The following L3MBTL1 variants were observed in gnomAD, a reference collection of about 807,000 sequenced individuals.
The protein encoded by L3MBTL1 is lethal(3)malignant brain tumor-like protein 1.
A neutral mutation model predicts 105.3 loss-of-function variants in L3MBTL1; 75 were observed. That is an observed-to-expected ratio of 0.71 (90% CI 0.59 to 0.86). The LOEUF (loss-of-function observed/expected upper bound fraction) is 0.86, where lower values mean the gene tolerates loss of function less well. Ranked by LOEUF, L3MBTL1 falls within the 40% of genes least tolerant of loss-of-function variation. The probability of loss-of-function intolerance (pLI) is 0.00; values close to 1 mark genes in which losing one functional copy is unlikely to be tolerated. For synonymous variants in L3MBTL1, 452 were observed against 436.2 expected, an observed-to-expected ratio of 1.04 and a Z score of -0.45; for missense variants, 1,069 against 1,126.4, an observed-to-expected ratio of 0.95 and a Z score of 0.73.
intron 9 of L3MBTL1, 140 bp from the exon 10 acceptor site, chr20:43,530,144 G>T: frequency 1.0e-6 from 1 of 971,494 alleles, no homozygotes; most frequent in Non-Finnish European, 1.6e-6. Flanking sequence ...GGGTACAATT[G>T]GGAGGAAAGA....
At chr20:43,510,668 C>T (rs1415583441) in intron 1 of L3MBTL1, among the ~76,000 whole-genome samples, 3 of 151,046 alleles carry the variant, frequency 2.0e-5, no homozygotes, top group Admixed American at 6.6e-5. Flanking sequence ...CTACCCACCT[C>T]GGCTTCCCAA....
Position 43,530,436 on chromosome 20 carries a change from T to C in L3MBTL1, c.1192+17T>C, listed in dbSNP as rs370834865. On this transcript the variant is annotated intron_variant, in intron 10 of 21. Coordinates refer to ENST00000418998, the MANE Select transcript of L3MBTL1 (RefSeq NM_001377303.1). Reference sequence around the variant, plus strand: ...CTCCCAAAGGTAAGGCCTAGCTGGGTTGGTCACAGTGAGGCAGTGAGTCCT... The same window carrying C: ...CTCCCAAAGGTAAGGCCTAGCTGGGCTGGTCACAGTGAGGCAGTGAGTCCT... 2 of 1,612,496 alleles carry C rather than the reference T, an allele frequency of 1.2e-6. No homozygotes were observed. Among genetic ancestry groups the C allele is most frequent in the African/African-American group, 1.3e-5 (1 of 74,940 alleles).
At chr20:43,521,529 A>G (rs2018703766) in intron 7 of L3MBTL1, among the ~76,000 whole-genome samples, 1 of 152,200 alleles carries the variant, frequency 6.6e-6, no homozygotes, top group Admixed American at 6.5e-5. Context: ...AAATGCCAAG[A>G]TGGAATGGGT....
chr20:43,511,546 C>A (rs985362409), intron 1 of L3MBTL1, among the ~76,000 whole-genome samples: 5 of 152,046 alleles, frequency 3.3e-5, no homozygotes, highest in African/African-American at 1.2e-4. Flanking sequence ...CTTTGGGAGG[C>A]CGAGGTGGGC....
At position 43,509,863 on chromosome 20, in the gene L3MBTL1, A is replaced by G. The variant is rs139206720; in HGVS notation, c.-29+2119A>G. Reference sequence around the variant, plus strand: ...TGTTTCAAATAAAAAGATTAACTCTATTTATTTATTTATTTATTGAGACAG... The same window carrying G: ...TGTTTCAAATAAAAAGATTAACTCTGTTTATTTATTTATTTATTGAGACAG... On this transcript the variant is annotated intron_variant, in intron 1 of 21. Transcript: ENST00000418998. 8.9e-4 allele frequency among the ~76,000 whole-genome samples: 136 copies of G among 152,038 alleles called. 3 individuals carry two copies. The East Asian group carries it at 0.023, about 26-fold the overall frequency.
intron 7 of L3MBTL1, among the ~76,000 whole-genome samples, chr20:43,522,483 T>TTG: frequency 7.4e-6 from 1 of 134,768 alleles, no homozygotes; most frequent in Non-Finnish European, 1.6e-5. Flanking sequence ...TTTTTTTTTT[T>TTG]TTTTTGGAGA....
chr20:43,519,796 T>C (rs2018611229), intron 7 of L3MBTL1, among the ~76,000 whole-genome samples: 1 of 152,172 alleles, frequency 6.6e-6, no homozygotes, highest in African/African-American at 2.4e-5. Flanking sequence ...ACCCTGCTCT[T>C]GGTTTTTTGT....
In L3MBTL1 at chr20:43,541,132, G is replaced by A. The variant is rs1366375738; in HGVS notation, c.*4G>A. ...TGCCAGTGATAGTCAATATTAAAGT[G>A]TACTTTTTTCCCCTTTAATCCAATA... On this transcript the variant is annotated 3_prime_UTR_variant, in exon 22 of 22. Coordinates refer to ENST00000418998, the MANE Select transcript of L3MBTL1 (RefSeq NM_001377303.1). 6.2e-7 allele frequency: 1 copy of A among 1,610,758 alleles called. No individual in the cohort carries two copies. Among genetic ancestry groups the A allele is most frequent in the Admixed American group, 1.7e-5 (1 of 59,888 alleles).
Position 43,514,848 on chromosome 20 carries a change from T to C in L3MBTL1, c.502+72T>C, listed in dbSNP as rs2145378826. The C allele has an allele frequency of 4.1e-6, 6 of 1,468,862 alleles. No individual in the cohort carries two copies. The East Asian group carries it at 1.5e-4, about 36-fold the overall frequency. 91.0% of individuals were successfully genotyped at this position (1,468,862 alleles called of 1,614,324 possible). On this transcript the variant is annotated intron_variant, in intron 4 of 21. Transcript: ENST00000418998. ...GGGCGAGGCCTGAGCCCCAGAAGGT[T>C]CGGGGGCGGGGCCCGGGGTGGTCCT...
intron 1 of L3MBTL1, among the ~76,000 whole-genome samples, chr20:43,510,570 A>AT (rs1363309545): frequency 2.0e-3 from 289 of 141,514 alleles, no homozygotes; most frequent in African/African-American, 6.4e-3. Flanking sequence ...ACACCTGGCT[A>AT]TTTTTTTTTT....
At chr20:43,525,398 TA>T (rs11475664) in intron 7 of L3MBTL1, among the ~76,000 whole-genome samples, 31,133 of 148,754 alleles carry the variant, frequency 0.21, 3,489 homozygotes, top group African/African-American at 0.29. Context: ...TACAAGTTAT[TA>T]AAAAAAAAAG....
chr20:43,530,925 A>G, intron 11 of L3MBTL1, 36 bp downstream of exon 11: 1 of 1,544,640 alleles, frequency 6.5e-7, no homozygotes, highest in Non-Finnish European at 8.9e-7. Flanking sequence ...TGTCACTCCC[A>G]TGTGCCAGAG....
chr20:43,530,772 C>G (rs747151487), intron 10 of L3MBTL1, 26 bp from the exon 11 acceptor site: 1 of 1,608,836 alleles, frequency 6.2e-7, no homozygotes. Context: ...GCACGGCGCT[C>G]TGTTCATGCC....
chr20:43,532,206 G>C (rs1265787807), intron 11 of L3MBTL1: 3 of 152,328 alleles, frequency 2.0e-5, no homozygotes, highest in African/African-American at 7.2e-5. Flanking sequence ...AACGAATGCC[G>C]ACTTTTAATT....
In L3MBTL1 at chr20:43,536,198, G is replaced by A. The variant is rs2019604317; in HGVS notation, c.2027G>A (p.Ser676Asn). 1 of 1,613,270 alleles carries A rather than the reference G, an allele frequency of 6.2e-7. No homozygotes were observed. The highest frequency in any genetic ancestry group is 1.7e-5 in the Admixed American group (1 of 59,970). ...SGCPLAERNQ[S>N]RLKAELSDSE... The stretch of plus-strand genomic sequence containing the variant: ...TGCCCACTGGCTGAGAGGAACCAGA[G>A]CCGGCTGAAAGCGGAGCTGTCTGAC... The change falls in exon 18 of 22, where the codon AGC (serine) becomes AAC (asparagine). Residue 676 changes from serine to asparagine, a missense_variant. By Grantham distance (46) the Ser-to-Asn change is conservative. Coordinates refer to ENST00000418998, the MANE Select transcript of L3MBTL1 (RefSeq NM_001377303.1).
chr20:43,533,946 G>C (rs958054324), intron 13 of L3MBTL1, 62 bp from the exon 14 acceptor site: 2 of 1,178,162 alleles, frequency 1.7e-6, no homozygotes, highest in Non-Finnish European at 2.5e-6. Context: ...GTCCTGCTTG[G>C]GGGCAGAGGG....
rs778355165 is a variant in L3MBTL1, at chr20:43,522,456, A to ATTTTTTT, written c.863-6201_863-6200insTTTTTTT. 4.2e-4 allele frequency among the ~76,000 whole-genome samples: 38 copies of ATTTTTTT among 89,940 alleles called. 7 individuals are homozygous for ATTTTTTT. Among genetic ancestry groups the ATTTTTTT allele is most frequent in the Non-Finnish European group, 6.9e-4 (30 of 43,196 alleles). The allele number at this position is 89,940 out of a possible 152,430, so 59.0% of individuals were successfully genotyped here. A position where few individuals can be genotyped will look rare whatever the true frequency, so the allele number is the denominator to read the frequency against. The stretch of plus-strand genomic sequence containing the variant: ...ATGGTAACTGAATTTTTCCCTGCTA[A>ATTTTTTT]GTTTTTTTTTTTTTTTTTTTTTTTT... On this transcript the variant is annotated intron_variant, in intron 7 of 21. Coordinates refer to ENST00000418998, the MANE Select transcript of L3MBTL1 (RefSeq NM_001377303.1).
chr20:43,531,236 A>G (rs1047984437), intron 11 of L3MBTL1: 11 of 227,198 alleles, frequency 4.8e-5, no homozygotes, highest in Non-Finnish European at 6.9e-5. Context: ...TGTAAGGTCA[A>G]TGCCTCTATT....
chr20:43,544,512 G>T (rs1436354750), downstream of L3MBTL1, among the ~76,000 whole-genome samples: 1 of 152,112 alleles, frequency 6.6e-6, no homozygotes, highest in Non-Finnish European at 1.5e-5. Context: ...ATTTTCTGAG[G>T]TCATTCCATT....
Sources: allele counts gnomAD v4.1 joint callset (sites outside exome capture counted in the v4.1 genomes callset), GRCh38; gene constraint gnomAD v4.1.1; transcripts MANE v1.5; gene names NCBI Gene and HGNC (gene_info 2026-07-23, HGNC 2026-07-21).